Variants in CCDC134 observed in about 807,000 individuals in gnomAD.
CCDC134 encodes the protein coiled-coil domain containing 134, also known as coiled-coil domain-containing protein 134.
In CCDC134, 27 loss-of-function variants were observed where a neutral mutation model predicts 25.6. That is an observed-to-expected ratio of 1.05 (90% CI 0.78 to 1.45). The LOEUF is 1.45. CCDC134 is among the 40% of genes most tolerant of loss of function. The pLI is 0.00. For missense variants in CCDC134, 261 were observed against 286.7 expected, an observed-to-expected ratio of 0.91 and a Z score of 0.65; for synonymous variants, 110 against 115.0, an observed-to-expected ratio of 0.96 and a Z score of 0.28.
In CCDC134 at chr22:41,808,871, C is replaced by T. The variant is rs2076580827; in HGVS notation, c.-16-4C>T. ...CACTCTCTTTCTTTGGGTTATTCTT[C>T]CAGCTCAAGAGGTTTGGATATGGAC... On this transcript the variant is annotated splice_polypyrimidine_tract_variant and splice_region_variant and intron_variant, in intron 1 of 6. Coordinates refer to ENST00000255784, the MANE Select transcript of CCDC134 (RefSeq NM_024821.5). The T allele has an allele frequency of 6.3e-7, 1 of 1,599,978 alleles. No individual in the cohort carries two copies. Among genetic ancestry groups the T allele is most frequent in the Non-Finnish European group, 8.6e-7 (1 of 1,167,294 alleles).
rs751936877 is a variant in CCDC134 at position 41,813,241 on chromosome 22, A to C, written c.311-23A>C. On this transcript the variant is annotated intron_variant, in intron 4 of 6. Coordinates refer to ENST00000255784, the MANE Select transcript of CCDC134 (RefSeq NM_024821.5). The stretch of plus-strand genomic sequence containing the variant: ...AGCCAGGAGAGCATCTGCCCTGGCC[A>C]CTCATCAGGGTCCTCTCGCCAGCTT... 7 of 1,613,126 alleles carry C rather than the reference A, an allele frequency of 4.3e-6. No homozygotes were observed. The South Asian group carries it at 7.7e-5, about 18-fold the overall frequency.
rs2076580674 is a variant in CCDC134, at chr22:41,808,858, T to C, written c.-16-17T>C. 1 of 1,565,020 alleles carries C rather than the reference T, an allele frequency of 6.4e-7. No homozygotes were observed. The highest frequency in any genetic ancestry group is 1.1e-5 in the South Asian group (1 of 90,032). On this transcript the variant is annotated splice_polypyrimidine_tract_variant and intron_variant, in intron 1 of 6. Coordinates refer to ENST00000255784, the MANE Select transcript of CCDC134 (RefSeq NM_024821.5). The stretch of plus-strand genomic sequence containing the variant: ...GATCTCTGAGTCTCACTCTCTTTCT[T>C]TGGGTTATTCTTCCAGCTCAAGAGG...
intron 6 of CCDC134, among the ~76,000 whole-genome samples, chr22:41,821,962 G>C: frequency 6.6e-6 from 1 of 152,160 alleles, no homozygotes; most frequent in East Asian, 1.9e-4. Context: ...GGCTTGAGGA[G>C]AAGGTATGTG....
intron 1 of CCDC134, among the ~76,000 whole-genome samples, chr22:41,804,605 T>C (rs2076559464): frequency 6.6e-6 from 1 of 152,332 alleles, no homozygotes; most frequent in East Asian, 1.9e-4. Flanking sequence ...AGGCAGACTT[T>C]AGATTTTACT....
At position 41,831,520 on chromosome 22, in the gene CCDC134, A is replaced by T. The variant is rs2076710403; in HGVS notation, c.*5697A>T. On this transcript the variant is annotated 3_prime_UTR_variant, in exon 7 of 7. Coordinates refer to ENST00000255784, the MANE Select transcript of CCDC134 (RefSeq NM_024821.5). ...ATTTTTTCAATTGCAATACAGCAGT[A>T]TGCAAGGCACTTACTGTATGCCAAA... 1 of 152,350 alleles carries T rather than the reference A, an allele frequency of 6.6e-6. No individual in the cohort carries two copies. Among genetic ancestry groups the T allele is most frequent in the African/African-American group, 2.4e-5 (1 of 41,578 alleles). The allele number at this position is 152,350 out of a possible 1,614,324, so 9.4% of individuals were successfully genotyped here.
At chr22:41,821,806 A>AC (rs2076653503) in intron 6 of CCDC134, among the ~76,000 whole-genome samples, 1 of 152,036 alleles carries the variant, frequency 6.6e-6, no homozygotes. Context: ...TTAACCTTGA[A>AC]CAGGAGGGCG....
At chr22:41,803,492 G>T (rs906486484) in intron 1 of CCDC134, among the ~76,000 whole-genome samples, 7 of 152,294 alleles carry the variant, frequency 4.6e-5, no homozygotes, top group Admixed American at 4.6e-4. Context: ...ATAGGGCTGG[G>T]CACGATAGCT....
chr22:41,817,657 G>A (rs553632396), intron 6 of CCDC134, among the ~76,000 whole-genome samples: 1 of 151,996 alleles, frequency 6.6e-6, no homozygotes, highest in Non-Finnish European at 1.5e-5. Flanking sequence ...GCTTGAACCC[G>A]GGAGGCAGAG....
At chr22:41,824,273 T>C (rs1040100327) in intron 6 of CCDC134, among the ~76,000 whole-genome samples, 3 of 152,072 alleles carry the variant, frequency 2.0e-5, no homozygotes, top group Non-Finnish European at 2.9e-5. Context: ...AAGAGCGTTC[T>C]GGGCCTCAGC....
rs1799360398 is a variant in CCDC134 at position 41,831,606 on chromosome 22, T to A, written c.*5783T>A. 6.6e-6 allele frequency: 1 copy of A among 152,296 alleles called. No homozygotes were observed. Among genetic ancestry groups the A allele is most frequent in the South Asian group, 2.1e-4 (1 of 4,836 alleles). 9.4% of individuals were successfully genotyped at this position (152,296 alleles called of 1,614,324 possible). A position where few individuals can be genotyped will look rare whatever the true frequency, so the allele number is the denominator to read the frequency against. ...TGCCTCGAGGCCTTTGTCCATGTCA[T>A]CATTTCCCCTTTGGCTGTAACAGCT... On this transcript the variant is annotated 3_prime_UTR_variant, in exon 7 of 7. Transcript: ENST00000255784.
Position 41,826,152 on chromosome 22 carries a change from C to A in CCDC134, c.*329C>A. 4.3e-6 allele frequency: 1 copy of A among 229,968 alleles called. No homozygotes were observed. The highest frequency in any genetic ancestry group is 8.8e-6 in the Non-Finnish European group (1 of 114,026). 14.2% of individuals were successfully genotyped at this position (229,968 alleles called of 1,614,324 possible). A position where few individuals can be genotyped will look rare whatever the true frequency, so the allele number is the denominator to read the frequency against. ...GACCTCTGGCCAGCTGGCTTCCGCCCTTGGTGGGGAAGCAGCAGAACTAGG... is the reference window on the plus strand; with the variant it reads ...GACCTCTGGCCAGCTGGCTTCCGCCATTGGTGGGGAAGCAGCAGAACTAGG... On this transcript the variant is annotated 3_prime_UTR_variant, in exon 7 of 7. Coordinates refer to ENST00000255784, the MANE Select transcript of CCDC134 (RefSeq NM_024821.5).
chr22:41,821,949 G>A (rs1057441008), intron 6 of CCDC134, among the ~76,000 whole-genome samples: 3 of 152,140 alleles, frequency 2.0e-5, no homozygotes, highest in Admixed American at 6.6e-5. Flanking sequence ...AGGGGAGCAC[G>A]GAGGCTTGAG....
At chr22:41,811,081 C>G (rs917870007) in intron 4 of CCDC134, among the ~76,000 whole-genome samples, 1 of 152,154 alleles carries the variant, frequency 6.6e-6, no homozygotes, top group African/African-American at 2.4e-5. Context: ...ACTTATCTTT[C>G]TGCGTGGCCT....
chr22:41,829,916 G>A lies in CCDC134; in HGVS notation c.*4093G>A, dbSNP rs1399031237. Among the ~76,000 whole-genome samples the A allele has an allele frequency of 6.6e-6, 1 of 152,142 alleles. No homozygotes were observed. Among genetic ancestry groups the A allele is most frequent in the African/African-American group, 2.4e-5 (1 of 41,418 alleles). On this transcript the variant is annotated 3_prime_UTR_variant, in exon 7 of 7. Coordinates refer to ENST00000255784, the MANE Select transcript of CCDC134 (RefSeq NM_024821.5). ...AGCCTCCTGAGTAGCTAGGACTACA[G>A]GTGCTTGCCACCATGACCAGCTAAT...
At position 41,826,664 on chromosome 22, in the gene CCDC134, C is replaced by T. The variant is rs1358338391; in HGVS notation, c.*841C>T. Among the ~76,000 whole-genome samples, 1 of 152,172 alleles carries T rather than the reference C, an allele frequency of 6.6e-6. No homozygotes were observed. The highest frequency in any genetic ancestry group is 1.5e-5 in the Non-Finnish European group (1 of 68,022). On this transcript the variant is annotated 3_prime_UTR_variant, in exon 7 of 7. Coordinates refer to ENST00000255784, the MANE Select transcript of CCDC134 (RefSeq NM_024821.5). Reference sequence around the variant, plus strand: ...GGGTGGGGGGCTGCAGGGGGACAGGCCGCAGCCCTGCAGGAGGCCGTGCTC... The same window carrying T: ...GGGTGGGGGGCTGCAGGGGGACAGGTCGCAGCCCTGCAGGAGGCCGTGCTC...
Position 41,831,129 on chromosome 22 carries a change from GC to G in CCDC134, c.*5309del, listed in dbSNP as rs949321569. ...TCGAACTCCCGACCTCAGGCAATCC[GC>G]CCACCTCAGCCTCCCAAAGTGCTGG... On this transcript the variant is annotated 3_prime_UTR_variant, in exon 7 of 7. Transcript: ENST00000255784. 1 of 151,778 alleles carries G rather than the reference GC, an allele frequency of 6.6e-6. No homozygotes were observed. Among genetic ancestry groups the G allele is most frequent in the African/African-American group, 2.4e-5 (1 of 41,234 alleles). 9.4% of individuals were successfully genotyped at this position (151,778 alleles called of 1,614,324 possible). A position where few individuals can be genotyped will look rare whatever the true frequency, so the allele number is the denominator to read the frequency against.
chr22:41,813,489 A>G (rs370929512), intron 5 of CCDC134, 44 bp downstream of exon 5: 4 of 1,603,802 alleles, frequency 2.5e-6, no homozygotes, highest in South Asian at 1.1e-5. Context: ...TCTGTCGGGT[A>G]GTGGACTAGG....
At chr22:41,803,945 C>T (rs1177178177) in intron 1 of CCDC134, among the ~76,000 whole-genome samples, 2 of 151,904 alleles carry the variant, frequency 1.3e-5, no homozygotes, top group Non-Finnish European at 2.9e-5. Context: ...TCCTGGCTAA[C>T]ATGGTGAAAC....
At chr22:41,818,211 C>T (rs931190449) in intron 6 of CCDC134, among the ~76,000 whole-genome samples, 2 of 152,184 alleles carry the variant, frequency 1.3e-5, no homozygotes, top group African/African-American at 4.8e-5. Context: ...TGCTTCATTC[C>T]TCCCGCAATT....
Sources: allele counts gnomAD v4.1 joint callset (sites outside exome capture counted in the v4.1 genomes callset), GRCh38; gene constraint gnomAD v4.1.1; transcripts MANE v1.5; gene names NCBI Gene and HGNC (gene_info 2026-07-23, HGNC 2026-07-21).